Variants in TTC28 observed in about 807,000 individuals in gnomAD.
TTC28 encodes the protein tetratricopeptide repeat protein 28.
A neutral mutation model predicts 198.0 loss-of-function variants in TTC28; 61 were observed. That is an observed-to-expected ratio of 0.31 (90% CI 0.25 to 0.38). The LOEUF (loss-of-function observed/expected upper bound fraction) is 0.38, where lower values mean the gene tolerates loss of function less well. Among genes scored for constraint, TTC28 ranks in the 10% least tolerant of loss-of-function variants. The probability of loss-of-function intolerance (pLI) is 1.00; values close to 1 mark genes in which losing one functional copy is unlikely to be tolerated. For missense variants in TTC28, 2,678 were observed against 3,164.0 expected, an observed-to-expected ratio of 0.85 and a Z score of 3.69; for synonymous variants, 1,171 against 1,297.8, an observed-to-expected ratio of 0.90 and a Z score of 2.10.
At chr22:28,591,040 C>CACACATATATAT (rs1362164401) in intron 2 of TTC28, among the ~76,000 whole-genome samples, 4 of 30,750 alleles carry the variant, frequency 1.3e-4, no homozygotes, top group African/African-American at 4.9e-4. Flanking sequence ...CACACACACA[C>CACACATATATAT]ATATATATAT....
chr22:28,431,507 ATAG>A (rs1276445361), intron 2 of TTC28, among the ~76,000 whole-genome samples: 1 of 152,246 alleles, frequency 6.6e-6, no homozygotes, highest in African/African-American at 2.4e-5. Context: ...GTCAATATAA[ATAG>A]TAACTCTACT....
chr22:28,011,836 CT>C (rs1938178851), intron 14 of TTC28, among the ~76,000 whole-genome samples: 1 of 152,176 alleles, frequency 6.6e-6, no homozygotes, highest in African/African-American at 2.4e-5. Flanking sequence ...GCCAGATGAC[CT>C]GAGCCTCATG....
chr22:28,391,250 C>G (rs2046714352), intron 2 of TTC28, among the ~76,000 whole-genome samples: 1 of 152,178 alleles, frequency 6.6e-6, no homozygotes, highest in Non-Finnish European at 1.5e-5. Context: ...GGTAACCCGA[C>G]CTTTCTCCCT....
chr22:28,561,789 T>A (rs552733993), intron 2 of TTC28, among the ~76,000 whole-genome samples: 1 of 152,320 alleles, frequency 6.6e-6, no homozygotes, highest in Admixed American at 6.5e-5. Context: ...TCAACTCTCG[T>A]CTTAAATAGT....
intron 13 of TTC28, among the ~76,000 whole-genome samples, chr22:28,024,163 C>T (rs1278065474): frequency 1.3e-5 from 2 of 152,100 alleles, no homozygotes; most frequent in Admixed American, 1.3e-4. Flanking sequence ...GGGGAGAGGG[C>T]ATGGACACAG....
intron 2 of TTC28, among the ~76,000 whole-genome samples, chr22:28,624,355 G>A (rs1181956153): frequency 6.6e-6 from 1 of 151,590 alleles, no homozygotes; most frequent in Non-Finnish European, 1.5e-5. Flanking sequence ...TCCAGACTGG[G>A]CAACAGAGCA....
intron 2 of TTC28, among the ~76,000 whole-genome samples, chr22:28,370,092 G>A (rs1390719568): frequency 6.6e-6 from 1 of 152,122 alleles, no homozygotes; most frequent in African/African-American, 2.4e-5. Flanking sequence ...AGAGGCACTG[G>A]CAAGAGTTAA....
At chr22:28,287,638 A>C (rs1356563208) in intron 5 of TTC28, among the ~76,000 whole-genome samples, 1 of 152,174 alleles carries the variant, frequency 6.6e-6, no homozygotes, top group Non-Finnish European at 1.5e-5. Flanking sequence ...AGACTTGCAT[A>C]AACAGATTAA....
chr22:28,553,708 GT>G (rs1403039752), intron 2 of TTC28, among the ~76,000 whole-genome samples: 1 of 151,738 alleles, frequency 6.6e-6, no homozygotes, highest in East Asian at 2.0e-4. Flanking sequence ...GAGGTGGGGG[GT>G]CAGCCCCCGC....
Position 27,983,571 on chromosome 22 carries a change from C to A in TTC28, c.6096G>T (p.Gln2032His). 1 of 1,551,236 alleles carries A rather than the reference C, an allele frequency of 6.4e-7. No homozygotes were observed. The highest frequency in any genetic ancestry group is 8.7e-7 in the Non-Finnish European group (1 of 1,146,840). ...GCTGGCTCCTAGGCAGGGTGGATCT[C>A]TGCAGGTAAGCGTTCTTGGACCGGT... ...DHDRSKNAYL[Q>H]RSTLPRSQLP... The change falls in exon 23 of 23, where the codon CAG (glutamine) becomes CAT (histidine). Residue 2032 changes from glutamine (Q) to histidine (H), a missense_variant. Transcript: ENST00000397906.
intron 5 of TTC28, among the ~76,000 whole-genome samples, chr22:28,227,696 A>C (rs1485695482): frequency 6.6e-6 from 1 of 152,024 alleles, no homozygotes; most frequent in Non-Finnish European, 1.5e-5. Context: ...GGATGTTATT[A>C]CAGATTTGAA....
chr22:28,405,470 G>T (rs977751313), intron 2 of TTC28, among the ~76,000 whole-genome samples: 2 of 152,150 alleles, frequency 1.3e-5, no homozygotes, highest in African/African-American at 4.8e-5. Context: ...AAGGTAGAAA[G>T]CATGACCTAC....
chr22:28,245,488 T>C (rs955772857), intron 5 of TTC28, among the ~76,000 whole-genome samples: 1 of 152,170 alleles, frequency 6.6e-6, no homozygotes, highest in Non-Finnish European at 1.5e-5. Flanking sequence ...AAGGTCACAC[T>C]GTTAATAAAT....
chr22:28,472,653 A>C (rs1317703344), intron 2 of TTC28, among the ~76,000 whole-genome samples: 1 of 151,870 alleles, frequency 6.6e-6, no homozygotes, highest in East Asian at 1.9e-4. Flanking sequence ...TTACTTTTAA[A>C]TTCGAAGACC....
chr22:28,191,428 G>T (rs914883138), intron 5 of TTC28, among the ~76,000 whole-genome samples: 1 of 152,222 alleles, frequency 6.6e-6, no homozygotes, highest in African/African-American at 2.4e-5. Context: ...ACTAGGGAGT[G>T]TCGGACAGTG....
At chr22:28,504,526 A>G (rs2048578725) in intron 2 of TTC28, among the ~76,000 whole-genome samples, 1 of 152,182 alleles carries the variant, frequency 6.6e-6, no homozygotes, top group South Asian at 2.1e-4. Context: ...GTTTACCTGT[A>G]AGCTCTCCTA....
chr22:28,604,661 T>C (rs1036753293), intron 2 of TTC28, among the ~76,000 whole-genome samples: 2 of 151,984 alleles, frequency 1.3e-5, no homozygotes, highest in African/African-American at 4.8e-5. Flanking sequence ...GGAGAACTGC[T>C]TGAACCCGGG....
At chr22:28,101,911 C>T (rs1942168472) in intron 8 of TTC28, among the ~76,000 whole-genome samples, 1 of 151,820 alleles carries the variant, frequency 6.6e-6, no homozygotes, top group Non-Finnish European at 1.5e-5. Flanking sequence ...AGCAACATTT[C>T]CAGGATGTTC....
At chr22:28,519,778 C>T (rs1476012136) in intron 2 of TTC28, among the ~76,000 whole-genome samples, 1 of 152,218 alleles carries the variant, frequency 6.6e-6, no homozygotes, top group Admixed American at 6.5e-5. Context: ...TGTTAGTCAA[C>T]TTGCAATATA....
Sources: allele counts gnomAD v4.1 joint callset (sites outside exome capture counted in the v4.1 genomes callset), GRCh38; gene constraint gnomAD v4.1.1; transcripts MANE v1.5; gene names NCBI Gene and HGNC (gene_info 2026-07-23, HGNC 2026-07-21).